RFX7: variants seen among roughly 807,000 people sequenced by gnomAD.
RFX7 encodes the protein regulatory factor X7, also known as DNA-binding protein RFX7.
In RFX7, 26 loss-of-function variants were observed where a neutral mutation model predicts 111.8. The ratio of observed to expected loss-of-function variants is 0.23; its 90% CI spans 0.17 to 0.32. The LOEUF (loss-of-function observed/expected upper bound fraction) is 0.32, where lower values mean the gene tolerates loss of function less well. Among genes scored for constraint, RFX7 ranks in the 10% least tolerant of loss-of-function variants. The pLI, the probability that RFX7 is intolerant of heterozygous loss-of-function variation, is 1.00. For synonymous variants in RFX7, 624 were observed against 624.4 expected, an observed-to-expected ratio of 1.00 and a Z score of 0.01; for missense variants, 1,573 against 1,772.9, an observed-to-expected ratio of 0.89 and a Z score of 2.02.
intron 5 of RFX7, among the ~76,000 whole-genome samples, chr15:56,134,798 T>C (rs1487455549): frequency 1.3e-5 from 2 of 152,130 alleles, no homozygotes; most frequent in Non-Finnish European, 2.9e-5. Context: ...CAGAGCGTTA[T>C]ATTCCCCTTC....
At chr15:56,134,835 A>G (rs1431385653) in intron 5 of RFX7, among the ~76,000 whole-genome samples, 75 of 152,020 alleles carry the variant, frequency 4.9e-4, no homozygotes, top group African/African-American at 1.4e-3. Flanking sequence ...TCATTGTTCA[A>G]TCCCCACCTA....
At chr15:56,116,865 TAC>T (rs1265102784) in intron 5 of RFX7, among the ~76,000 whole-genome samples, 1 of 151,672 alleles carries the variant, frequency 6.6e-6, no homozygotes, top group Non-Finnish European at 1.5e-5. Flanking sequence ...ACAAACATTG[TAC>T]AGTTGTACAA....
At chr15:56,112,234 G>C (rs2041947240) in intron 5 of RFX7, among the ~76,000 whole-genome samples, 1 of 151,740 alleles carries the variant, frequency 6.6e-6, no homozygotes, top group Non-Finnish European at 1.5e-5. Context: ...TCTTCAAACA[G>C]GTAACTGTAA....
chr15:56,183,678 C>A (rs1236086642), intron 2 of RFX7, among the ~76,000 whole-genome samples: 1 of 152,142 alleles, frequency 6.6e-6, no homozygotes, highest in East Asian at 1.9e-4. Context: ...CCAAAACAGT[C>A]TTGACAATTC....
At chr15:56,108,262 G>C (rs1243444046) in intron 5 of RFX7, among the ~76,000 whole-genome samples, 1 of 152,174 alleles carries the variant, frequency 6.6e-6, no homozygotes, top group East Asian at 1.9e-4. Context: ...AAAAACTTCA[G>C]GCCAGTATCC....
chr15:56,124,422 C>T (rs1428054368), intron 5 of RFX7, among the ~76,000 whole-genome samples: 5 of 142,156 alleles, frequency 3.5e-5, no homozygotes, highest in Non-Finnish European at 6.2e-5. Flanking sequence ...ACTCAGTCTC[C>T]GAAAAAAAAA....
At chr15:56,208,652 A>C (rs573752276) in intron 2 of RFX7, among the ~76,000 whole-genome samples, 29 of 152,312 alleles carry the variant, frequency 1.9e-4, no homozygotes, top group African/African-American at 7.0e-4. Context: ...TAAGGGTTCT[A>C]ATGGATAAAG....
intron 6 of RFX7, among the ~76,000 whole-genome samples, 196 bp downstream of exon 6, chr15:56,103,358 C>A (rs1204690420): frequency 6.6e-6 from 1 of 151,988 alleles, no homozygotes; most frequent in African/African-American, 2.4e-5. Context: ...TATGAATAAA[C>A]CATTATTTGC....
At chr15:56,178,967 T>G (rs2042933378) in intron 3 of RFX7, 1 of 157,918 alleles carries the variant, frequency 6.3e-6, no homozygotes, top group Admixed American at 6.5e-5. Flanking sequence ...ATTCTCAGAG[T>G]TATTAGAATA....
chr15:56,123,315 C>T (rs971335205), intron 5 of RFX7, among the ~76,000 whole-genome samples: 13 of 152,258 alleles, frequency 8.5e-5, no homozygotes, highest in South Asian at 4.2e-4. Flanking sequence ...TTCCCATCAA[C>T]GTAGTGGGTT....
intron 2 of RFX7, among the ~76,000 whole-genome samples, chr15:56,199,825 A>G (rs2043177027): frequency 6.6e-6 from 1 of 152,188 alleles, no homozygotes; most frequent in Admixed American, 6.5e-5. Context: ...TTTACATAAA[A>G]AGCCATATTG....
chr15:56,104,204 T>G (rs1339370765), intron 5 of RFX7, among the ~76,000 whole-genome samples: 1 of 152,196 alleles, frequency 6.6e-6, no homozygotes, highest in Non-Finnish European at 1.5e-5. Flanking sequence ...GTCCTAGTGT[T>G]ATCCTCCTTC....
intron 3 of RFX7, among the ~76,000 whole-genome samples, chr15:56,166,675 A>C (rs1305340065): frequency 6.6e-6 from 1 of 152,220 alleles, no homozygotes; most frequent in Non-Finnish European, 1.5e-5. Flanking sequence ...CTGCACAAAT[A>C]AGGTTGATGA....
chr15:56,131,335 T>TTGGTACGATCA (rs11273926), intron 5 of RFX7, among the ~76,000 whole-genome samples: 2 of 146,034 alleles, frequency 1.4e-5, no homozygotes, highest in African/African-American at 2.6e-5. Flanking sequence ...TTGGAGTGCA[T>TTGGTACGATCA]TGGCTTACTG....
chr15:56,198,686 C>T (rs1193444020), intron 2 of RFX7, among the ~76,000 whole-genome samples: 1 of 152,124 alleles, frequency 6.6e-6, no homozygotes, highest in Non-Finnish European at 1.5e-5. Flanking sequence ...CATAAGGACA[C>T]TGATTCAAAC....
intron 3 of RFX7, among the ~76,000 whole-genome samples, chr15:56,145,086 TAG>T (rs2042450209): frequency 6.6e-6 from 1 of 152,228 alleles, no homozygotes; most frequent in Non-Finnish European, 1.5e-5. Context: ...AGTAGCTATT[TAG>T]AGAATCTACT....
intron 5 of RFX7, among the ~76,000 whole-genome samples, chr15:56,136,850 C>A (rs1426770316): frequency 6.9e-6 from 1 of 145,982 alleles, no homozygotes; most frequent in East Asian, 2.0e-4. Context: ...TTGTCAAAGG[C>A]TTTTTCTGCA....
intron 2 of RFX7, among the ~76,000 whole-genome samples, chr15:56,233,910 T>C (rs2043595067): frequency 6.6e-6 from 1 of 152,216 alleles, no homozygotes; most frequent in Non-Finnish European, 1.5e-5. Context: ...GTGGAAATCC[T>C]ATTCCTTAGT....
chr15:56,185,686 C>A (rs552511686), intron 2 of RFX7, among the ~76,000 whole-genome samples: 1 of 152,242 alleles, frequency 6.6e-6, no homozygotes, highest in African/African-American at 2.4e-5. Flanking sequence ...TTAAGCTCTA[C>A]TCTGCTGCAT....
Sources: gnomAD v4.1 joint callset for allele counts (sites outside exome capture counted in the v4.1 genomes callset) on GRCh38, gnomAD v4.1.1 for gene constraint, MANE v1.5 for transcripts, NCBI Gene and HGNC (gene_info 2026-07-23, HGNC 2026-07-21) for gene names.